R3HDM2: variants seen among roughly 807,000 people sequenced by gnomAD.
R3HDM2 encodes R3H domain containing 2, also known as R3H domain-containing protein 2.
Under a neutral mutation model 124.5 loss-of-function variants are expected in R3HDM2, and 38 were observed. The ratio of observed to expected loss-of-function variants is 0.31; its 90% CI spans 0.24 to 0.40. The LOEUF (loss-of-function observed/expected upper bound fraction) is 0.40. Ranked by LOEUF, R3HDM2 falls within the 10% of genes least tolerant of loss-of-function variation. R3HDM2 has a pLI of 1.00. For synonymous variants in R3HDM2, 391 were observed against 448.0 expected (o/e 0.87, Z 1.61); for missense variants, 869 against 1,236.9 (o/e 0.70, Z 4.46).
intron 12 of R3HDM2, 96 bp from the exon 13 acceptor site, chr12:57,284,152 G>A: frequency 8.7e-7 from 1 of 1,149,874 alleles, no homozygotes; most frequent in Non-Finnish European, 1.2e-6. Context: ...AACAAAGAAT[G>A]GGTAAGAATT....
At chr12:57,263,339 C>A (rs927580847) in intron 19 of R3HDM2, among the ~76,000 whole-genome samples, 2 of 152,136 alleles carry the variant, frequency 1.3e-5, no homozygotes, top group Admixed American at 6.5e-5. Context: ...AATATCTATA[C>A]CCCACTGGAA....
chr12:57,422,886 G>A (rs895776544), intron 1 of R3HDM2, among the ~76,000 whole-genome samples: 1 of 152,036 alleles, frequency 6.6e-6, no homozygotes, highest in Admixed American at 6.6e-5. Flanking sequence ...TGGGAGCCTT[G>A]AGCCCAGGAG....
chr12:57,316,427 G>T (rs1212817194), intron 2 of R3HDM2, among the ~76,000 whole-genome samples: 1 of 151,932 alleles, frequency 6.6e-6, no homozygotes, highest in Non-Finnish European at 1.5e-5. Flanking sequence ...GAATGGAAAA[G>T]GTTTCCTATT....
intron 2 of R3HDM2, among the ~76,000 whole-genome samples, chr12:57,330,978 G>A (rs898856098): frequency 3.3e-5 from 5 of 152,126 alleles, no homozygotes; most frequent in Admixed American, 1.3e-4. Context: ...GATTACAGGC[G>A]TGAGCCACCG....
chr12:57,346,951 A>G (rs1475315838), intron 2 of R3HDM2, among the ~76,000 whole-genome samples: 1 of 152,182 alleles, frequency 6.6e-6, no homozygotes, highest in Non-Finnish European at 1.5e-5. Flanking sequence ...CTAAATATTA[A>G]AAGTTACATG....
chr12:57,322,428 T>C (rs781531418), intron 2 of R3HDM2, among the ~76,000 whole-genome samples: 82 of 152,090 alleles, frequency 5.4e-4, no homozygotes, highest in Admixed American at 1.9e-3. Flanking sequence ...TTCTTTGACA[T>C]TGGGAATTAG....
intron 4 of R3HDM2, among the ~76,000 whole-genome samples, chr12:57,302,490 A>G (rs2138771175): frequency 6.6e-6 from 1 of 150,738 alleles, no homozygotes; most frequent in South Asian, 2.1e-4. Flanking sequence ...ACATGGTGAA[A>G]CCTCATCTCT....
chr12:57,312,928 C>CAA (rs57500144), intron 2 of R3HDM2, among the ~76,000 whole-genome samples: 218 of 48,874 alleles, frequency 4.5e-3, no homozygotes, highest in Middle Eastern at 0.011. Context: ...GACTCTGGCT[C>CAA]AAAAAAAAAA....
intron 1 of R3HDM2, among the ~76,000 whole-genome samples, chr12:57,413,602 G>A (rs1030009385): frequency 6.6e-6 from 1 of 151,692 alleles, no homozygotes; most frequent in African/African-American, 2.4e-5. Context: ...CAGGCATGGT[G>A]GCGGGCACCT....
intron 2 of R3HDM2, among the ~76,000 whole-genome samples, chr12:57,363,567 A>C (rs957446388): frequency 1.3e-5 from 2 of 152,208 alleles, no homozygotes; most frequent in African/African-American, 4.8e-5. Flanking sequence ...CCAGTAACTA[A>C]GAGGATACTA....
chr12:57,377,664 G>A (rs2064271982), intron 2 of R3HDM2, among the ~76,000 whole-genome samples: 1 of 152,076 alleles, frequency 6.6e-6, no homozygotes, highest in Admixed American at 6.6e-5. Flanking sequence ...AGTGCATTGG[G>A]CAGCAAGCCC....
At chr12:57,353,908 T>G (rs1420834758) in intron 2 of R3HDM2, among the ~76,000 whole-genome samples, 1 of 152,126 alleles carries the variant, frequency 6.6e-6, no homozygotes, top group East Asian at 1.9e-4. Flanking sequence ...CAGGCTGGAG[T>G]GCAGTGGTGC....
At chr12:57,263,344 C>A (rs1375654625) in intron 19 of R3HDM2, among the ~76,000 whole-genome samples, 7 of 152,198 alleles carry the variant, frequency 4.6e-5, no homozygotes, top group Non-Finnish European at 1.0e-4. Flanking sequence ...CTATACCCCA[C>A]TGGAAATTTT....
intron 4 of R3HDM2, among the ~76,000 whole-genome samples, chr12:57,300,587 T>A (rs10747777): frequency 0.44 from 66,194 of 152,080 alleles, 15,163 homozygotes; most frequent in South Asian, 0.52. Flanking sequence ...TTACAAGCTA[T>A]GAGACCCTGA....
At chr12:57,386,448 C>T (rs1475309280) in intron 2 of R3HDM2, among the ~76,000 whole-genome samples, 1 of 152,246 alleles carries the variant, frequency 6.6e-6, no homozygotes, top group Admixed American at 6.5e-5. Context: ...AGGGGCTTAG[C>T]ACCTGGGCAA....
chr12:57,377,566 G>A (rs565030691), intron 2 of R3HDM2, among the ~76,000 whole-genome samples: 1 of 151,998 alleles, frequency 6.6e-6, no homozygotes, highest in African/African-American at 2.4e-5. Flanking sequence ...ACTGCACCAG[G>A]AGACAGATTT....
intron 22 of R3HDM2, 21 bp from the exon 23 acceptor site, chr12:57,256,095 C>T: frequency 2.5e-6 from 4 of 1,601,282 alleles, no homozygotes; most frequent in Non-Finnish European, 3.4e-6. Context: ...TGAAAGACGA[C>T]TCTCATCCCA....
rs781186242 is a variant in R3HDM2 at position 57,266,883 on chromosome 12, G to A, written c.2031-52C>T. 4.6e-6 allele frequency: 6 copies of A among 1,299,568 alleles called. No individual in the cohort carries two copies. In the South Asian group the frequency reaches 5.5e-5, roughly 12 times the overall value. The allele number at this position is 1,299,568 out of a possible 1,614,324, so 80.5% of individuals were successfully genotyped here. A position where few individuals can be genotyped will look rare whatever the true frequency, so the allele number is the denominator to read the frequency against. On this transcript the variant is annotated intron_variant, in intron 18 of 23. Transcript: ENST00000402412. ...GTGAAGCAGTAGAGGGATGAACACA[G>A]CTCCTGGCAAACAGCTGCTGCTTCC... is the stretch of plus-strand genomic sequence containing the variant.
intron 1 of R3HDM2, among the ~76,000 whole-genome samples, chr12:57,422,756 C>T (rs558699727): frequency 1.0e-3 from 152 of 150,688 alleles, no homozygotes; most frequent in South Asian, 9.3e-3. Flanking sequence ...CAGGACAGGA[C>T]GACTGCTTGA....
Sources: allele counts gnomAD v4.1 joint callset (sites outside exome capture counted in the v4.1 genomes callset), GRCh38; gene constraint gnomAD v4.1.1; transcripts MANE v1.5; gene names NCBI Gene and HGNC (gene_info 2026-07-23, HGNC 2026-07-21).